The following SLC25A46 variants were observed in gnomAD, a reference collection of about 807,000 sequenced individuals.
SLC25A46 encodes the protein mitochondrial outer membrane protein SLC25A46.
SLC25A46 carries 39 observed loss-of-function variants against 44.6 expected under a neutral mutation model. That is an observed-to-expected ratio of 0.87 (90% CI 0.68 to 1.14). The LOEUF (loss-of-function observed/expected upper bound fraction) is 1.14, where lower values mean the gene tolerates loss of function less well. Among genes scored for constraint, SLC25A46 ranks in the 50% most tolerant of loss-of-function variants. The probability of loss-of-function intolerance (pLI) is 0.00; values close to 1 mark genes in which losing one functional copy is unlikely to be tolerated. For missense variants in SLC25A46, 547 were observed against 522.7 expected, an observed-to-expected ratio of 1.05 and a Z score of -0.45; for synonymous variants, 202 against 185.8, an observed-to-expected ratio of 1.09 and a Z score of -0.71.
At position 110,764,066 on chromosome 5, in the gene SLC25A46, A is replaced by C. The variant is rs1800327209; in HGVS notation, c.*2284A>C. The C allele has an allele frequency of 1.3e-5, 2 of 151,956 alleles. No individual in the cohort carries two copies. The highest frequency in any genetic ancestry group is 4.1e-4 in the South Asian group (2 of 4,824). 9.4% of individuals were successfully genotyped at this position (151,956 alleles called of 1,614,324 possible). On this transcript the variant is annotated 3_prime_UTR_variant, in exon 8 of 8. Coordinates refer to ENST00000355943, the MANE Select transcript of SLC25A46 (RefSeq NM_138773.4). ...TCCATGGGCTATACTTCTTAAGATAATAACAGCTCAAAATAATATTTTTTA... is the reference window on the plus strand; with the variant it reads ...TCCATGGGCTATACTTCTTAAGATACTAACAGCTCAAAATAATATTTTTTA...
At chr5:110,756,636 A>G (rs1005581605) in intron 6 of SLC25A46, 66 bp from the exon 7 acceptor site, 4 of 1,047,754 alleles carry the variant, frequency 3.8e-6, no homozygotes, top group Non-Finnish European at 5.6e-6. Context: ...ATTAAAGCAG[A>G]TATTAAAAAA....
chr5:110,739,124 A>C lies in SLC25A46; in HGVS notation c.5A>C (p.His2Pro). M[H>P]PRRPDGFDGL... is the part of the protein sequence containing the mutation. ...CGTCATCCTGCCCCCGCTGCGATGC[A>C]TCCGCGGCGCCCGGACGGATTTGAT... Residue 2 changes from histidine to proline, a missense_variant, in exon 1 of 8, where the codon CAT becomes CCT. Coordinates refer to ENST00000355943, the MANE Select transcript of SLC25A46 (RefSeq NM_138773.4). The C allele has an allele frequency of 6.5e-7, 1 of 1,547,302 alleles. No homozygotes were observed. The highest frequency in any genetic ancestry group is 1.2e-5 in the South Asian group (1 of 83,966).
At chr5:110,757,694 G>A (rs1235713167) in intron 7 of SLC25A46, among the ~76,000 whole-genome samples, 1 of 152,048 alleles carries the variant, frequency 6.6e-6, no homozygotes, top group African/African-American at 2.4e-5. Context: ...TTGGCATTGT[G>A]TTAAATAAAT....
At chr5:110,738,876 C>G (rs1561594625), upstream of SLC25A46, 12 of 940,084 alleles carry the variant, frequency 1.3e-5, no homozygotes, top group African/African-American at 1.7e-5. Context: ...TATTCCCTAA[C>G]GACAACAAAC....
At chr5:110,741,880 T>A (rs1799700464) in intron 1 of SLC25A46, 167 bp from the exon 2 acceptor site, 1 of 566,708 alleles carries the variant, frequency 1.8e-6, no homozygotes, top group African/African-American at 2.0e-5. Context: ...AGTCCTTCAT[T>A]CATTTAAATT....
At chr5:110,758,090 C>T (rs1411002054) in intron 7 of SLC25A46, among the ~76,000 whole-genome samples, 1 of 151,964 alleles carries the variant, frequency 6.6e-6, no homozygotes. Context: ...CTTCAAGTTC[C>T]ACTTGCTAAC....
chr5:110,739,292 G>A lies in SLC25A46; in HGVS notation c.173G>A (p.Gly58Asp). The A allele has an allele frequency of 1.3e-6, 2 of 1,573,672 alleles. No homozygotes were observed. The highest frequency in any genetic ancestry group is 1.7e-6 in the Non-Finnish European group (2 of 1,159,776). Residue 58 changes from glycine (G) to aspartate (D), a missense_variant, in exon 1 of 8, where the codon GGC becomes GAC. Transcript: ENST00000355943. The stretch of plus-strand genomic sequence containing the variant: ...CCCGGCAGCCGCAACCTGCACTGGG[G>A]CGAGAAGAGCCCGCCCTACGGCGTG... Reference protein sequence around the residue: ...DIPGSRNLHWGEKSPPYGVPT... With the variant: ...DIPGSRNLHWDEKSPPYGVPT...
At chr5:110,744,032 A>C (rs1198321212) in intron 3 of SLC25A46, among the ~76,000 whole-genome samples, 2 of 152,200 alleles carry the variant, frequency 1.3e-5, no homozygotes, top group Non-Finnish European at 2.9e-5. Flanking sequence ...ATTTCAATGC[A>C]TCTATATAAT....
Position 110,739,067 on chromosome 5 carries a change from G to T in SLC25A46, c.-53G>T, listed in dbSNP as rs934318056. The T allele has an allele frequency of 3.3e-6, 5 of 1,528,870 alleles. No homozygotes were observed. Among genetic ancestry groups the T allele is most frequent in the South Asian group, 2.4e-5 (2 of 83,490 alleles). The allele number at this position is 1,528,870 out of a possible 1,614,324, so 94.7% of individuals were successfully genotyped here. A position where few individuals can be genotyped will look rare whatever the true frequency, so the allele number is the denominator to read the frequency against. Reference sequence around the variant, plus strand: ...AGCTGTGTGTGCTTAGGTCGTGGTGGCCCCGGTGGTGGTGGGCTCCGGGCG... The same window carrying T: ...AGCTGTGTGTGCTTAGGTCGTGGTGTCCCCGGTGGTGGTGGGCTCCGGGCG... On this transcript the variant is annotated 5_prime_UTR_variant, in exon 1 of 8. Coordinates refer to ENST00000355943, the MANE Select transcript of SLC25A46 (RefSeq NM_138773.4).
At chr5:110,754,763 G>A (rs1800064017) in intron 5 of SLC25A46, 1 of 152,058 alleles carries the variant, frequency 6.6e-6, no homozygotes, top group Admixed American at 6.6e-5. Flanking sequence ...TATCAAATAA[G>A]ATGAGAGGCA....
upstream of SLC25A46, chr5:110,738,251 G>C (rs76417911): frequency 7.8e-7 from 1 of 1,286,838 alleles, no homozygotes; most frequent in Non-Finnish European, 1.0e-6. Context: ...AAAACAGGTA[G>C]TAGGGGACGC....
Position 110,743,727 on chromosome 5 carries a change from T to C in SLC25A46, c.327-3T>C, listed in dbSNP as rs776561410. ...TACATATACATAAATTATTTTTATA[T>C]AGTCTCTTTACAGAAAATGTATTGG... On this transcript the variant is annotated splice_polypyrimidine_tract_variant and splice_region_variant and intron_variant, in intron 2 of 7. Coordinates refer to ENST00000355943, the MANE Select transcript of SLC25A46 (RefSeq NM_138773.4). 1.9e-6 allele frequency: 3 copies of C among 1,573,822 alleles called. No individual in the cohort carries two copies. In the South Asian group the frequency reaches 3.4e-5, roughly 18 times the overall value.
chr5:110,747,369 C>G (rs963386249), intron 4 of SLC25A46, among the ~76,000 whole-genome samples: 1 of 151,924 alleles, frequency 6.6e-6, no homozygotes, highest in African/African-American at 2.4e-5. Context: ...TAAAAATAAG[C>G]AAAACAAAAA....
chr5:110,748,030 T>C, intron 4 of SLC25A46, 133 bp from the exon 5 acceptor site: 1 of 595,446 alleles, frequency 1.7e-6, no homozygotes, highest in East Asian at 2.8e-5. Context: ...AAATTAATTG[T>C]AGTTCTCTAC....
chr5:110,760,783 G>C (rs531078678), intron 7 of SLC25A46, among the ~76,000 whole-genome samples: 1 of 152,218 alleles, frequency 6.6e-6, no homozygotes, highest in South Asian at 2.1e-4. Context: ...CATTTTTGTA[G>C]AATGCGAAAC....
rs1370553860 is a variant in SLC25A46 at position 110,763,281 on chromosome 5, T to G, written c.*1499T>G. 1 of 151,928 alleles carries G rather than the reference T, an allele frequency of 6.6e-6. No homozygotes were observed. The highest frequency in any genetic ancestry group is 1.5e-5 in the Non-Finnish European group (1 of 67,892). 9.4% of individuals were successfully genotyped at this position (151,928 alleles called of 1,614,324 possible). On this transcript the variant is annotated 3_prime_UTR_variant, in exon 8 of 8. Transcript: ENST00000355943. ...ACGAATAGAAATTCATTTTACTTGC[T>G]AAATGTCACAGAAATGGTTACTTTT...
At chr5:110,757,817 A>G (rs1018093956) in intron 7 of SLC25A46, among the ~76,000 whole-genome samples, 1 of 152,140 alleles carries the variant, frequency 6.6e-6, no homozygotes, top group Non-Finnish European at 1.5e-5. Context: ...AGGAAAAACA[A>G]CTAAGCAGAA....
Position 110,739,338 on chromosome 5 carries a change from C to G in SLC25A46, c.219C>G (p.Tyr73Ter). 6.4e-7 allele frequency: 1 copy of G among 1,564,840 alleles called. No homozygotes were observed. The highest frequency in any genetic ancestry group is 2.4e-5 in the East Asian group (1 of 42,518). ...PYGVPTTSTPYEGPTEEPFSS... is the reference protein window; with the variant it reads ...PYGVPTTSTP ...GCGTGCCCACCACCTCCACCCCGTA[C>G]GAAGGCCCCACGGAGGAACCCTTTT... The change falls in exon 1 of 8, where the codon TAC (tyrosine) becomes TAG (stop). Residue 73 changes from tyrosine to a stop codon, truncating the protein, a stop_gained. Coordinates refer to ENST00000355943, the MANE Select transcript of SLC25A46 (RefSeq NM_138773.4). LOFTEE classifies it high-confidence loss of function.
chr5:110,739,469 C>T lies in SLC25A46; in HGVS notation c.283+67C>T, dbSNP rs1799562380. Reference sequence around the variant, plus strand: ...GGGCCGCGGCTTGCGGCCTGCAGACCCCGGAAGCGGCGCAGAGGATCCCGC... The same window carrying T: ...GGGCCGCGGCTTGCGGCCTGCAGACTCCGGAAGCGGCGCAGAGGATCCCGC... On this transcript the variant is annotated intron_variant, in intron 1 of 7. Transcript: ENST00000355943. The T allele has an allele frequency of 2.0e-6, 3 of 1,488,920 alleles. No individual in the cohort carries two copies. In the South Asian group the frequency reaches 3.9e-5, roughly 19 times the overall value. The allele number at this position is 1,488,920 out of a possible 1,614,324, so 92.2% of individuals were successfully genotyped here. A position where few individuals can be genotyped will look rare whatever the true frequency, so the allele number is the denominator to read the frequency against.
Sources: gnomAD v4.1 joint callset for allele counts (sites outside exome capture counted in the v4.1 genomes callset) on GRCh38, gnomAD v4.1.1 for gene constraint, MANE v1.5 for transcripts, NCBI Gene and HGNC (gene_info 2026-07-23, HGNC 2026-07-21) for gene names.